The following MYLIP variants were observed in gnomAD, a reference collection of about 807,000 sequenced individuals.
MYLIP encodes myosin regulatory light chain interacting protein.
MYLIP carries 26 observed loss-of-function variants against 45.8 expected under a neutral mutation model. The ratio of observed to expected loss-of-function variants is 0.57; its 90% CI spans 0.42 to 0.79. MYLIP has a LOEUF of 0.79. Ranked by LOEUF, MYLIP falls within the 30% of genes least tolerant of loss-of-function variation. The pLI, the probability that MYLIP is intolerant of heterozygous loss-of-function variation, is 0.00. For missense variants in MYLIP, 494 were observed against 555.6 expected (o/e 0.89, Z 1.11); for synonymous variants, 213 against 218.1 (o/e 0.98, Z 0.21).
chr6:16,150,139 C>T (rs186712735), downstream of MYLIP, among the ~76,000 whole-genome samples: 82 of 152,226 alleles, frequency 5.4e-4, no homozygotes, highest in African/African-American at 1.9e-3. Flanking sequence ...CCTGAAAGGA[C>T]CCACATCTAA....
the MYLIP span, chr6:16,161,293 A>G: frequency 2.7e-6 from 1 of 365,696 alleles, no homozygotes; most frequent in South Asian, 2.4e-5. Flanking sequence ...GCCTGCTGTC[A>G]CATCTATTAC....
the MYLIP span, among the ~76,000 whole-genome samples, chr6:16,161,683 T>C: frequency 6.6e-6 from 1 of 152,226 alleles, no homozygotes; most frequent in Non-Finnish European, 1.5e-5. Context: ...TTAAATACTG[T>C]TAGAGTTTCA....
In MYLIP at chr6:16,129,455, C is replaced by G. The variant is rs755851987; in HGVS notation, c.87+46C>G. 4.6e-6 allele frequency: 7 copies of G among 1,532,206 alleles called. No individual in the cohort carries two copies. In the African/African-American group the frequency reaches 5.5e-5, roughly 12 times the overall value. The allele number at this position is 1,532,206 out of a possible 1,614,324, so 94.9% of individuals were successfully genotyped here. A position where few individuals can be genotyped will look rare whatever the true frequency, so the allele number is the denominator to read the frequency against. ...GGGGCCCCGGCGGGTCCCGCGAGGC[C>G]GAGGGGCCTCGCAGCGACGCCTGGC... On this transcript the variant is annotated intron_variant, in intron 1 of 6. Transcript: ENST00000356840. The surrounding 1 kb of genome is among the most constrained non-coding windows in gnomAD (Gnocchi z 5.1).
In MYLIP at chr6:16,147,400, T is replaced by TCCTTTACGCTCCCCCTATC. The variant is rs1759815827; in HGVS notation, c.*653_*671dup. 6.5e-6 allele frequency: 1 copy of TCCTTTACGCTCCCCCTATC among 152,868 alleles called. No homozygotes were observed. Among genetic ancestry groups the TCCTTTACGCTCCCCCTATC allele is most frequent in the East Asian group, 1.9e-4 (1 of 5,200 alleles). 9.5% of individuals were successfully genotyped at this position (152,868 alleles called of 1,614,324 possible). On this transcript the variant is annotated 3_prime_UTR_variant, in exon 7 of 7. Transcript: ENST00000356840. The stretch of plus-strand genomic sequence containing the variant: ...TCACTCAATGTGGGTGGCTCCCTAT[T>TCCTTTACGCTCCCCCTATC]CCTTTACGCTCCCCCTATCCCTACC...
At chr6:16,143,408 C>G (rs1386103766) in intron 4 of MYLIP, among the ~76,000 whole-genome samples, 191 bp downstream of exon 4, 3 of 152,182 alleles carry the variant, frequency 2.0e-5, no homozygotes, top group Non-Finnish European at 4.4e-5. Context: ...TACAATGTGG[C>G]AGAGTTAACG....
chr6:16,149,083 C>G (rs539751126), downstream of MYLIP, among the ~76,000 whole-genome samples: 4 of 152,262 alleles, frequency 2.6e-5, no homozygotes, highest in East Asian at 7.7e-4. Context: ...GTCATCAAGA[C>G]ATAAATGATT....
At chr6:16,150,048 A>G (rs940161486), downstream of MYLIP, among the ~76,000 whole-genome samples, 33 of 152,352 alleles carry the variant, frequency 2.2e-4, no homozygotes, top group African/African-American at 7.9e-4. Context: ...ATTACATTTC[A>G]CTGATATTTG....
chr6:16,149,303 G>A (rs1318909828), downstream of MYLIP, among the ~76,000 whole-genome samples: 1 of 152,138 alleles, frequency 6.6e-6, no homozygotes, highest in African/African-American at 2.4e-5. Flanking sequence ...CCATATGGAC[G>A]CCTTAAGCTC....
At chr6:16,148,741 G>A (rs544085202), downstream of MYLIP, among the ~76,000 whole-genome samples, 9 of 152,226 alleles carry the variant, frequency 5.9e-5, no homozygotes, top group South Asian at 1.5e-3. Context: ...TAAGGGCCTC[G>A]GGCTACAGAA....
chr6:16,139,381 C>T (rs376987781), intron 2 of MYLIP, among the ~76,000 whole-genome samples: 6 of 148,908 alleles, frequency 4.0e-5, no homozygotes, highest in East Asian at 3.9e-4. Context: ...GAGCAAGACT[C>T]CATCTCAAAA....
In MYLIP at chr6:16,135,753, ATC is replaced by A. The variant is rs372719392; in HGVS notation, c.278+5008_278+5009del. Among the ~76,000 whole-genome samples the A allele has an allele frequency of 2.8e-3, 291 of 103,688 alleles. 6 individuals carry two copies. Among genetic ancestry groups the A allele is most frequent in the African/African-American group, 8.7e-3 (213 of 24,358 alleles). The allele number at this position is 103,688 out of a possible 152,430, so 68.0% of individuals were successfully genotyped here. ...ACATTATATGTGTGTGTATACATAT[ATC>A]TATATATATATATATATATATATGT... is the stretch of plus-strand genomic sequence containing the variant. On this transcript the variant is annotated intron_variant, in intron 2 of 6. Coordinates refer to ENST00000356840, the MANE Select transcript of MYLIP (RefSeq NM_013262.4).
At chr6:16,130,183 T>C (rs994734954) in intron 1 of MYLIP, among the ~76,000 whole-genome samples, 1 of 152,344 alleles carries the variant, frequency 6.6e-6, no homozygotes, top group South Asian at 2.1e-4. Context: ...TGGTTAAAAT[T>C]GCCCAGATAA....
chr6:16,150,191 C>T (rs1488593688), downstream of MYLIP, among the ~76,000 whole-genome samples: 1 of 152,132 alleles, frequency 6.6e-6, no homozygotes. Context: ...AAAGAACCGA[C>T]AACAGGATAG....
chr6:16,129,673 C>G lies in MYLIP; in HGVS notation c.87+264C>G, dbSNP rs867677831. 1.3e-5 allele frequency among the ~76,000 whole-genome samples: 2 copies of G among 152,198 alleles called. No homozygotes were observed. Among genetic ancestry groups the G allele is most frequent in the Non-Finnish European group, 2.9e-5 (2 of 68,032 alleles). On this transcript the variant is annotated intron_variant, in intron 1 of 6. Transcript: ENST00000356840. The surrounding 1 kb of genome is among the most constrained non-coding windows in gnomAD (Gnocchi z 5.1). ...CCCGCAGCCGGGATCCACCCCCCAG[C>G]GCCCCATCATCCCCCCAACCCAGCA...
the MYLIP span, among the ~76,000 whole-genome samples, chr6:16,158,850 G>A: frequency 3.9e-5 from 6 of 152,082 alleles, no homozygotes; most frequent in Admixed American, 6.5e-5. Flanking sequence ...AGCCTGGGCG[G>A]CAGAGCAAGA....
rs937772850 is a variant in MYLIP, at chr6:16,147,054, G to A, written c.*303G>A. On this transcript the variant is annotated 3_prime_UTR_variant, in exon 7 of 7. Coordinates refer to ENST00000356840, the MANE Select transcript of MYLIP (RefSeq NM_013262.4). ...TAAAGTCTTTGATGTCAGTGAAGTG[G>A]CAACATAGCCAAAAAGTTGGGTACC... The A allele has an allele frequency of 4.1e-5, 9 of 219,126 alleles. No individual in the cohort carries two copies. Among genetic ancestry groups the A allele is most frequent in the African/African-American group, 2.0e-4 (9 of 44,226 alleles). 13.6% of individuals were successfully genotyped at this position (219,126 alleles called of 1,614,324 possible).
At chr6:16,154,420 A>G in the MYLIP span, among the ~76,000 whole-genome samples, 1 of 152,164 alleles carries the variant, frequency 6.6e-6, no homozygotes, top group Admixed American at 6.5e-5. Flanking sequence ...CCCGTGAAGC[A>G]GAGATTCTCC....
Position 16,138,459 on chromosome 6 carries a change from C to T in MYLIP, c.279-3166C>T, listed in dbSNP as rs1759601058. 3.3e-5 allele frequency among the ~76,000 whole-genome samples: 5 copies of T among 152,228 alleles called. No homozygotes were observed. In the South Asian group the frequency reaches 1.0e-3, roughly 32 times the overall value. On this transcript the variant is annotated intron_variant, in intron 2 of 6. Transcript: ENST00000356840. ...CCATCACTGAAGTTCTTGTTGGAAA[C>T]ATGTCTCTGAGCTCTGCTATCCTCT...
At chr6:16,142,113 C>T (rs528479599) in intron 3 of MYLIP, among the ~76,000 whole-genome samples, 1 of 152,304 alleles carries the variant, frequency 6.6e-6, no homozygotes, top group Non-Finnish European at 1.5e-5. Context: ...AACATGGCAG[C>T]ATCAGGGCTA....
Sources: allele counts gnomAD v4.1 joint callset (sites outside exome capture counted in the v4.1 genomes callset), GRCh38; gene constraint gnomAD v4.1.1; non-coding constraint Gnocchi (gnomAD v3.1); transcripts MANE v1.5; gene names NCBI Gene and HGNC (gene_info 2026-07-23, HGNC 2026-07-21).